Variants in LOXHD1 observed in about 807,000 individuals in gnomAD.
LOXHD1 encodes the protein lipoxygenase homology PLAT domains 1.
LOXHD1 carries 205 observed loss-of-function variants against 248.2 expected under a neutral mutation model. That is an observed-to-expected ratio of 0.83 (90% CI 0.74 to 0.93). The LOEUF is 0.93. LOXHD1 is among the 40% of genes least tolerant of loss of function. The probability of loss-of-function intolerance (pLI) is 0.00; values close to 1 mark genes in which losing one functional copy is unlikely to be tolerated. For synonymous variants in LOXHD1, 1,113 were observed against 1,162.8 expected (o/e 0.96, Z 0.87); for missense variants, 2,930 against 2,971.6 (o/e 0.99, Z 0.33).
chr18:46,594,508 A>G (rs769997446), intron 8 of LOXHD1, 42 bp from the exon 9 acceptor site: 8 of 1,549,870 alleles, frequency 5.2e-6, no homozygotes, highest in Non-Finnish European at 7.0e-6. Context: ...TTGAGTCTCC[A>G]GTAGGGTCCT....
At chr18:46,634,612 C>A (rs2038869330) in intron 4 of LOXHD1, among the ~76,000 whole-genome samples, 1 of 152,040 alleles carries the variant, frequency 6.6e-6, no homozygotes, top group Admixed American at 6.6e-5. Flanking sequence ...CTTCCATCCC[C>A]AAAATATCTC....
chr18:46,593,787 A>G, intron 9 of LOXHD1, 27 bp from the exon 10 acceptor site: 1 of 1,550,678 alleles, frequency 6.4e-7, no homozygotes, highest in Non-Finnish European at 8.7e-7. Context: ...GTTGCACCAT[A>G]AACTTCAGGA....
chr18:46,529,269 C>A lies in LOXHD1; in HGVS notation c.4438G>T (p.Val1480Leu). The A allele has an allele frequency of 2.6e-6, 4 of 1,551,786 alleles. No individual in the cohort carries two copies. Among genetic ancestry groups the A allele is most frequent in the Non-Finnish European group, 3.5e-6 (4 of 1,147,004 alleles). Residue 1480 changes from valine to leucine, a missense_variant, in exon 29 of 41, where the codon GTG (valine) becomes TTG (leucine). Coordinates refer to ENST00000642948, the MANE Select transcript of LOXHD1 (RefSeq NM_001384474.1). ...NIPGAGTDAKVYITIYGDLGD... is the reference protein window; with the variant it reads ...NIPGAGTDAKLYITIYGDLGD... The stretch of plus-strand genomic sequence containing the variant: ...AGGTCTCCATAGATGGTGATGTACA[C>A]CTTGGCATCCGTCCCTGCCCCAGGA...
At chr18:46,529,992 C>T (rs140212465) in intron 28 of LOXHD1, among the ~76,000 whole-genome samples, 7 of 152,206 alleles carry the variant, frequency 4.6e-5, no homozygotes, top group African/African-American at 1.4e-4. Flanking sequence ...AAAACAAAAA[C>T]GCATGGTATC....
chr18:46,610,662 A>C (rs2038493020), intron 6 of LOXHD1, 114 bp downstream of exon 6: 7 of 1,235,580 alleles, frequency 5.7e-6, no homozygotes, highest in Admixed American at 5.9e-5. Flanking sequence ...TAGGTAGAAG[A>C]GTGGATGCAG....
chr18:46,514,930 G>A (rs1279270947), intron 34 of LOXHD1, among the ~76,000 whole-genome samples: 2 of 152,188 alleles, frequency 1.3e-5, no homozygotes, highest in Non-Finnish European at 2.9e-5. Context: ...CCCTCTGTTA[G>A]AGACTCATCT....
At chr18:46,613,159 T>G (rs1004270572) in intron 5 of LOXHD1, among the ~76,000 whole-genome samples, 7 of 152,112 alleles carry the variant, frequency 4.6e-5, no homozygotes, top group Non-Finnish European at 8.8e-5. Context: ...CAACTGAAAT[T>G]GCATTGCATT....
chr18:46,522,984 G>C (rs2035653867), intron 31 of LOXHD1, among the ~76,000 whole-genome samples: 1 of 150,672 alleles, frequency 6.6e-6, no homozygotes, highest in Non-Finnish European at 1.5e-5. Context: ...TTCCACTCTT[G>C]TTGCCCAGGC....
chr18:46,621,103 C>T (rs1717786817), intron 4 of LOXHD1, among the ~76,000 whole-genome samples: 2 of 152,134 alleles, frequency 1.3e-5, no homozygotes, highest in Non-Finnish European at 2.9e-5. Flanking sequence ...CAGGAGGAAG[C>T]TGATTCTAGA....
intron 9 of LOXHD1, 125 bp downstream of exon 9, chr18:46,594,206 C>T: frequency 7.7e-7 from 1 of 1,298,542 alleles, no homozygotes; most frequent in Non-Finnish European, 1.0e-6. Context: ...TTTTTCCTTC[C>T]TTTCTGGAGG....
At chr18:46,633,434 A>T (rs1221888371) in intron 4 of LOXHD1, among the ~76,000 whole-genome samples, 1 of 152,230 alleles carries the variant, frequency 6.6e-6, no homozygotes, top group Non-Finnish European at 1.5e-5. Context: ...AAAAGAGTGA[A>T]GTTGGACCTT....
chr18:46,560,372 C>A lies in LOXHD1; in HGVS notation c.2772G>T (p.Arg924=), dbSNP rs2144014292. 6.4e-7 allele frequency: 1 copy of A among 1,552,708 alleles called. No homozygotes were observed. Among genetic ancestry groups the A allele is most frequent in the Non-Finnish European group, 8.7e-7 (1 of 1,148,028 alleles). ...ARKKKEKDKL[R]QLLKKERLKA... ...TCAGCCGCTCCTTCTTGAGCAGCTGCCGCAGCTTGTCCTTCTCCTTCTTCT... is the reference window on the plus strand; with the variant it reads ...TCAGCCGCTCCTTCTTGAGCAGCTGACGCAGCTTGTCCTTCTCCTTCTTCT... The change falls in exon 19 of 41, where the codon CGG becomes CGT. Residue 924 remains arginine (R), a synonymous_variant. Coordinates refer to ENST00000642948, the MANE Select transcript of LOXHD1 (RefSeq NM_001384474.1).
chr18:46,511,635 A>G (rs2034967747), intron 34 of LOXHD1, among the ~76,000 whole-genome samples: 3 of 152,164 alleles, frequency 2.0e-5, no homozygotes, highest in African/African-American at 7.2e-5. Context: ...CAACTATTTC[A>G]TGGGAGAATT....
intron 2 of LOXHD1, among the ~76,000 whole-genome samples, chr18:46,642,728 G>A (rs1437483417): frequency 1.3e-5 from 2 of 152,250 alleles, no homozygotes; most frequent in African/African-American, 4.8e-5. Context: ...CATAGACACA[G>A]GAGGGCTGCA....
At chr18:46,581,401 A>G (rs1706060451) in intron 12 of LOXHD1, among the ~76,000 whole-genome samples, 1 of 152,102 alleles carries the variant, frequency 6.6e-6, no homozygotes, top group Non-Finnish European at 1.5e-5. Flanking sequence ...GCCAATAAGG[A>G]GTAGGGGAGT....
chr18:46,617,496 T>C (rs796131597), intron 5 of LOXHD1, among the ~76,000 whole-genome samples: 23 of 152,224 alleles, frequency 1.5e-4, no homozygotes, highest in African/African-American at 5.3e-4. Context: ...ACTTTGGTTT[T>C]GAATTCCCTC....
intron 25 of LOXHD1, among the ~76,000 whole-genome samples, chr18:46,539,677 A>G (rs373187581): frequency 1.3e-4 from 20 of 152,354 alleles, no homozygotes; most frequent in African/African-American, 4.6e-4. Context: ...AAAAAATCTA[A>G]TAGAAAAATA....
At chr18:46,514,417 C>T (rs2035137414) in intron 34 of LOXHD1, among the ~76,000 whole-genome samples, 1 of 152,208 alleles carries the variant, frequency 6.6e-6, no homozygotes, top group African/African-American at 2.4e-5. Context: ...GAGAAGGACT[C>T]AACCTTCCCA....
intron 13 of LOXHD1, among the ~76,000 whole-genome samples, chr18:46,578,110 A>C (rs2037895058): frequency 6.6e-6 from 1 of 152,232 alleles, no homozygotes; most frequent in Admixed American, 6.5e-5. Flanking sequence ...TCCTCTGGGA[A>C]AATAAACAAG....
Sources: allele counts gnomAD v4.1 joint callset (sites outside exome capture counted in the v4.1 genomes callset), GRCh38; gene constraint gnomAD v4.1.1; transcripts MANE v1.5; gene names NCBI Gene and HGNC (gene_info 2026-07-23, HGNC 2026-07-21).